Variants in MYO6 observed in about 807,000 individuals in gnomAD.
MYO6 encodes myosin VI.
Under a neutral mutation model 178.7 loss-of-function variants are expected in MYO6, and 74 were observed. The observed-to-expected ratio is 0.41, with a 90% CI of 0.34 to 0.50. The LOEUF is 0.50. MYO6 is among the 20% of genes least tolerant of loss of function. The pLI, the probability that MYO6 is intolerant of heterozygous loss-of-function variation, is 0.09. For missense variants in MYO6, 1,330 were observed against 1,547.4 expected, an observed-to-expected ratio of 0.86 and a Z score of 2.36; for synonymous variants, 477 against 504.6, an observed-to-expected ratio of 0.95 and a Z score of 0.73.
intron 10 of MYO6, among the ~76,000 whole-genome samples, chr6:75,847,919 A>G (rs574895759): frequency 6.6e-6 from 1 of 152,208 alleles, no homozygotes; most frequent in South Asian, 2.1e-4. Context: ...AATGTTTGAT[A>G]CATGTATACA....
intron 1 of MYO6, among the ~76,000 whole-genome samples, chr6:75,793,347 G>C (rs1768436721): frequency 6.6e-6 from 1 of 152,160 alleles, no homozygotes; most frequent in South Asian, 2.1e-4. Flanking sequence ...GCTCACGCTT[G>C]TAATCCCAGC....
chr6:75,786,748 G>T (rs1419000966), intron 1 of MYO6, among the ~76,000 whole-genome samples: 2 of 152,000 alleles, frequency 1.3e-5, no homozygotes, highest in East Asian at 1.9e-4. Context: ...CTCTTTCTCT[G>T]TACATATACA....
chr6:75,809,901 A>G (rs1770506632), intron 1 of MYO6, among the ~76,000 whole-genome samples: 1 of 127,434 alleles, frequency 7.8e-6, no homozygotes, highest in Non-Finnish European at 1.7e-5. Context: ...TGTCTCTGCT[A>G]AAAAAAAAAA....
At chr6:75,840,453 G>A in intron 7 of MYO6, 132 bp from the exon 8 acceptor site, 6 of 708,954 alleles carry the variant, frequency 8.5e-6, no homozygotes, top group Non-Finnish European at 1.5e-5. Context: ...GAGCCACTGT[G>A]TCCCGCCCAT....
rs1258778094 is a variant in MYO6 at position 75,867,204 on chromosome 6, A to G, written c.1944+99A>G. On this transcript the variant is annotated intron_variant, in intron 18 of 34. Transcript: ENST00000369977. Reference sequence around the variant, plus strand: ...TGTAGATCACTGTCAGAAATCTCACAGTGAAGTTCAAGAGCAGACCCTGCA... The same window carrying G: ...TGTAGATCACTGTCAGAAATCTCACGGTGAAGTTCAAGAGCAGACCCTGCA... 3.9e-6 allele frequency: 4 copies of G among 1,024,470 alleles called. No homozygotes were observed. The African/African-American group carries it at 4.9e-5, about 12-fold the overall frequency. The allele number at this position is 1,024,470 out of a possible 1,614,324, so 63.5% of individuals were successfully genotyped here.
intron 1 of MYO6, among the ~76,000 whole-genome samples, chr6:75,794,775 T>C (rs1365003792): frequency 6.6e-6 from 1 of 151,790 alleles, no homozygotes; most frequent in Admixed American, 6.5e-5. Context: ...ATGTGCTCTT[T>C]TATCACCTAA....
intron 11 of MYO6, among the ~76,000 whole-genome samples, chr6:75,849,872 C>T (rs985407417): frequency 3.9e-5 from 6 of 152,014 alleles, no homozygotes; most frequent in South Asian, 2.1e-4. Context: ...GCAAAGGAGA[C>T]GGGAATTTAC....
At chr6:75,880,399 C>T (rs1235869271) in intron 22 of MYO6, among the ~76,000 whole-genome samples, 1 of 152,176 alleles carries the variant, frequency 6.6e-6, no homozygotes, top group Non-Finnish European at 1.5e-5. Context: ...TTTGGCTTCC[C>T]TGAGCCACAT....
chr6:75,764,318 G>A (rs1211432440), intron 1 of MYO6, among the ~76,000 whole-genome samples: 1 of 152,028 alleles, frequency 6.6e-6, no homozygotes, highest in Non-Finnish European at 1.5e-5. Flanking sequence ...TAGCCCCGTT[G>A]GCCTCTTCCC....
At chr6:75,766,972 A>G (rs1435209647) in intron 1 of MYO6, among the ~76,000 whole-genome samples, 1 of 152,108 alleles carries the variant, frequency 6.6e-6, no homozygotes, top group African/African-American at 2.4e-5. Flanking sequence ...GCATCCTCAC[A>G]GACATTTGTG....
At chr6:75,871,998 G>A (rs1414001850) in intron 19 of MYO6, among the ~76,000 whole-genome samples, 1 of 151,958 alleles carries the variant, frequency 6.6e-6, no homozygotes, top group African/African-American at 2.4e-5. Context: ...GCATGGTGGG[G>A]CGCACTTGTA....
intron 12 of MYO6, among the ~76,000 whole-genome samples, chr6:75,855,540 A>G (rs1431528447): frequency 6.6e-6 from 1 of 152,194 alleles, no homozygotes; most frequent in Non-Finnish European, 1.5e-5. Context: ...GTATAAATCA[A>G]TATATGACAG....
At chr6:75,805,244 G>A (rs529284637) in intron 1 of MYO6, among the ~76,000 whole-genome samples, 8 of 151,346 alleles carry the variant, frequency 5.3e-5, no homozygotes, top group African/African-American at 9.7e-5. Flanking sequence ...GGCTGGTCTC[G>A]AACTCCTGCC....
chr6:75,867,122 AT>A lies in MYO6; in HGVS notation c.1944+27del, dbSNP rs754309380. On this transcript the variant is annotated intron_variant, in intron 18 of 34. Transcript: ENST00000369977. Reference sequence around the variant, plus strand: ...AAGTTTAAGGTATTTGTGTTATTTAATTTTTTTTTTACTATATTTAAAATGA... The same window carrying A: ...AAGTTTAAGGTATTTGTGTTATTTAATTTTTTTTTACTATATTTAAAATGA... 9.8e-4 allele frequency: 1,468 copies of A among 1,499,206 alleles called. No homozygotes were observed. The highest frequency in any genetic ancestry group is 1.3e-3 in the South Asian group (101 of 79,586). 92.9% of individuals were successfully genotyped at this position (1,499,206 alleles called of 1,614,324 possible).
At chr6:75,866,448 A>G in intron 16 of MYO6, 78 bp from the exon 17 acceptor site, 2 of 1,161,118 alleles carry the variant, frequency 1.7e-6, no homozygotes, top group Non-Finnish European at 1.3e-6. Flanking sequence ...AGTGTTTTAC[A>G]TCTCAGTTGT....
chr6:75,789,492 A>G (rs2150080492), intron 1 of MYO6, among the ~76,000 whole-genome samples: 1 of 152,024 alleles, frequency 6.6e-6, no homozygotes, highest in East Asian at 1.9e-4. Flanking sequence ...TTAGTTAATT[A>G]CCTTTTATTG....
intron 1 of MYO6, among the ~76,000 whole-genome samples, chr6:75,757,503 G>T (rs1000188951): frequency 1.3e-5 from 2 of 151,398 alleles, no homozygotes; most frequent in African/African-American, 4.9e-5. Context: ...GGGGAGTCAG[G>T]ATAGCTTGTT....
chr6:75,912,135 A>G (rs574259379), intron 33 of MYO6, among the ~76,000 whole-genome samples: 4 of 152,152 alleles, frequency 2.6e-5, no homozygotes, highest in Admixed American at 2.0e-4. Context: ...GTGATAGTGT[A>G]TAAAGGTTTA....
intron 1 of MYO6, among the ~76,000 whole-genome samples, chr6:75,815,174 G>C (rs1771094123): frequency 6.6e-6 from 1 of 152,228 alleles, no homozygotes; most frequent in Non-Finnish European, 1.5e-5. Context: ...AGGAGATGCA[G>C]AGAAGGAGTT....
Sources: allele counts gnomAD v4.1 joint callset (sites outside exome capture counted in the v4.1 genomes callset), GRCh38; gene constraint gnomAD v4.1.1; transcripts MANE v1.5; gene names NCBI Gene and HGNC (gene_info 2026-07-23, HGNC 2026-07-21).